NEK1: variants seen among roughly 807,000 people sequenced by gnomAD.
NEK1 encodes the protein serine/threonine-protein kinase Nek1.
A neutral mutation model predicts 182.1 loss-of-function variants in NEK1; 137 were observed. The ratio of observed to expected loss-of-function variants is 0.75; its 90% CI spans 0.65 to 0.87. The LOEUF (loss-of-function observed/expected upper bound fraction) is 0.87. Among genes scored for constraint, NEK1 ranks in the 40% least tolerant of loss-of-function variants. NEK1 has a pLI of 0.00. For synonymous variants in NEK1, 513 were observed against 492.2 expected (o/e 1.04, Z -0.56); for missense variants, 1,391 against 1,494.4 (o/e 0.93, Z 1.14).
At chr4:169,537,286 T>C (rs1758663450) in intron 19 of NEK1, among the ~76,000 whole-genome samples, 1 of 152,186 alleles carries the variant, frequency 6.6e-6, no homozygotes, top group South Asian at 2.1e-4. Flanking sequence ...AAACTTAATA[T>C]TTTCTTGGAT....
intron 18 of NEK1, among the ~76,000 whole-genome samples, chr4:169,553,467 T>G (rs1761716791): frequency 6.6e-6 from 1 of 152,054 alleles, no homozygotes; most frequent in South Asian, 2.1e-4. Context: ...TTTTCAGTTA[T>G]AACACCAGAG....
chr4:169,472,223 G>A (rs954615115), intron 26 of NEK1, among the ~76,000 whole-genome samples: 1 of 151,968 alleles, frequency 6.6e-6, no homozygotes, highest in Non-Finnish European at 1.5e-5. Context: ...CTCCCCAAAC[G>A]GCCATCCAGT....
At chr4:169,467,993 GA>G (rs979610797) in intron 26 of NEK1, among the ~76,000 whole-genome samples, 33 of 151,406 alleles carry the variant, frequency 2.2e-4, no homozygotes, top group African/African-American at 8.0e-4. Flanking sequence ...AGATTAAGAG[GA>G]AAAAAAAGGA....
chr4:169,404,722 A>G (rs1238834631), intron 32 of NEK1, among the ~76,000 whole-genome samples: 2 of 152,142 alleles, frequency 1.3e-5, no homozygotes, highest in East Asian at 3.9e-4. Context: ...GACAGTTGAG[A>G]GGGCTGACCA....
chr4:169,606,575 G>T lies in NEK1; in HGVS notation c.-48-3897C>A, dbSNP rs574608509. Among the ~76,000 whole-genome samples, 4 of 152,252 alleles carry T rather than the reference G, an allele frequency of 2.6e-5. No homozygotes were observed. In the South Asian group the frequency reaches 8.3e-4, roughly 32 times the overall value. On this transcript the variant is annotated intron_variant, in intron 2 of 35. Transcript: ENST00000507142. Reference sequence around the variant, plus strand: ...GATTGGTGAAGAGCTTGTGTAAGAAGTGTCAGACACTTAGTTTGCCTCCTC... The same window carrying T: ...GATTGGTGAAGAGCTTGTGTAAGAATTGTCAGACACTTAGTTTGCCTCCTC...
chr4:169,409,280 G>A lies in NEK1; in HGVS notation c.3223-2533C>T, dbSNP rs185309303. Among the ~76,000 whole-genome samples, 76 of 151,970 alleles carry A rather than the reference G, an allele frequency of 5.0e-4. No individual in the cohort carries two copies. In the East Asian group the frequency reaches 0.011, roughly 22 times the overall value. On this transcript the variant is annotated intron_variant, in intron 31 of 35. Transcript: ENST00000507142. ...TTGCCTCAGCCTCCTGAGTAGCTGG[G>A]ACTACAGGCGCCCTACACCACGCCC...
intron 12 of NEK1, among the ~76,000 whole-genome samples, chr4:169,570,943 T>A (rs1198380149): frequency 2.6e-5 from 4 of 152,082 alleles, no homozygotes; most frequent in African/African-American, 7.2e-5. Flanking sequence ...TTAAGGGCGG[T>A]GCAAGATGTG....
chr4:169,575,463 G>A (rs1171658635), intron 12 of NEK1, among the ~76,000 whole-genome samples: 3 of 152,168 alleles, frequency 2.0e-5, no homozygotes, highest in African/African-American at 7.2e-5. Flanking sequence ...CACCCCTACA[G>A]GCACCTTCCA....
intron 5 of NEK1, among the ~76,000 whole-genome samples, chr4:169,593,761 G>A (rs971583647): frequency 1.3e-5 from 2 of 152,106 alleles, no homozygotes; most frequent in African/African-American, 4.8e-5. Flanking sequence ...GGCCTAGGCG[G>A]GCAGATCACG....
intron 28 of NEK1, 22 bp from the exon 29 acceptor site, chr4:169,433,687 A>G (rs746584327): frequency 5.6e-6 from 9 of 1,608,234 alleles, no homozygotes; most frequent in Non-Finnish European, 7.6e-6. Flanking sequence ...AAACGTAACG[A>G]GAGACATCTC....
chr4:169,401,557 T>C lies in NEK1; in HGVS notation c.3583+95A>G, dbSNP rs999860061. 8.1e-6 allele frequency: 8 copies of C among 991,982 alleles called. No homozygotes were observed. In the Admixed American group the frequency reaches 1.8e-4, roughly 23 times the overall value. The allele number at this position is 991,982 out of a possible 1,614,324, so 61.4% of individuals were successfully genotyped here. On this transcript the variant is annotated intron_variant, in intron 33 of 35. Transcript: ENST00000507142. The stretch of plus-strand genomic sequence containing the variant: ...AGGCATGCTTCAGTTGTATTTAAAG[T>C]TGGAAATGGTTCACAGCAGAGATTA...
chr4:169,542,076 C>T (rs1437240899), intron 18 of NEK1, among the ~76,000 whole-genome samples: 1 of 152,102 alleles, frequency 6.6e-6, no homozygotes. Context: ...GCAAAAAGTG[C>T]AGGTTACATA....
At chr4:169,422,492 GA>G (rs1404541096) in intron 31 of NEK1, among the ~76,000 whole-genome samples, 1 of 151,870 alleles carries the variant, frequency 6.6e-6, no homozygotes, top group South Asian at 2.1e-4. Flanking sequence ...CCTCAATCAA[GA>G]AAAAAATCCC....
At chr4:169,455,599 G>A (rs1742724819) in intron 27 of NEK1, among the ~76,000 whole-genome samples, 1 of 152,052 alleles carries the variant, frequency 6.6e-6, no homozygotes, top group South Asian at 2.1e-4. Flanking sequence ...TCCAATACTG[G>A]AGTACCCATA....
rs772747361 is a variant in NEK1 at position 169,585,461 on chromosome 4, C to A, written c.695G>T (p.Arg232Leu). 1.9e-6 allele frequency: 3 copies of A among 1,613,142 alleles called. No homozygotes were observed. The highest frequency in any genetic ancestry group is 1.7e-6 in the Non-Finnish European group (2 of 1,179,422). Residue 232 changes from arginine to leucine, a missense_variant, in exon 10 of 36, where the codon CGC becomes CTC. Physicochemically the swap from Arg to Leu is moderately radical, Grantham distance 102. Transcript: ENST00000507142. Reference sequence around the variant, plus strand: ...TTTAAATAACTGAGACACCAAACTGCGGAGATCATAGGAATAATGCAAAGA... The same window carrying A: ...TTTAAATAACTGAGACACCAAACTGAGGAGATCATAGGAATAATGCAAAGA... ...PVSLHYSYDL[R>L]SLVSQLFKRN... is the part of the protein sequence containing the mutation.
At chr4:169,429,824 T>C (rs1274272304) in intron 29 of NEK1, among the ~76,000 whole-genome samples, 1 of 152,206 alleles carries the variant, frequency 6.6e-6, no homozygotes, top group African/African-American at 2.4e-5. Context: ...CATTTTTCCC[T>C]TGGACTTCTG....
chr4:169,562,325 A>G (rs1398092957), intron 12 of NEK1, 129 bp from the exon 13 acceptor site: 9 of 558,418 alleles, frequency 1.6e-5, no homozygotes, highest in Non-Finnish European at 2.6e-5. Flanking sequence ...TCCAAATTAC[A>G]TTATCTTAAA....
rs986959839 is a variant in NEK1 at position 169,400,147 on chromosome 4, A to G, written c.3847+78T>C. Reference sequence around the variant, plus strand: ...AGATTTCACAAAATGGATGTGATGTAAGCTGATTCATATACATGTATCATC... The same window carrying G: ...AGATTTCACAAAATGGATGTGATGTGAGCTGATTCATATACATGTATCATC... On this transcript the variant is annotated intron_variant, in intron 35 of 35. Transcript: ENST00000507142. The G allele has an allele frequency of 3.7e-6, 5 of 1,350,262 alleles. No individual in the cohort carries two copies. The South Asian group carries it at 3.8e-5, about 10-fold the overall frequency. The allele number at this position is 1,350,262 out of a possible 1,614,324, so 83.6% of individuals were successfully genotyped here. A position where few individuals can be genotyped will look rare whatever the true frequency, so the allele number is the denominator to read the frequency against.
At chr4:169,483,730 G>T (rs1271074838) in intron 23 of NEK1, among the ~76,000 whole-genome samples, 10 of 151,926 alleles carry the variant, frequency 6.6e-5, no homozygotes, top group African/African-American at 2.4e-4. Context: ...GCCGGGCATG[G>T]TGGTGTACAC....
Sources: allele counts gnomAD v4.1 joint callset (sites outside exome capture counted in the v4.1 genomes callset), GRCh38; gene constraint gnomAD v4.1.1; transcripts MANE v1.5; gene names NCBI Gene and HGNC (gene_info 2026-07-23, HGNC 2026-07-21).